TTLL9: variants seen among roughly 807,000 people sequenced by gnomAD.
TTLL9 encodes the protein probable tubulin polyglutamylase TTLL9.
TTLL9 carries 47 observed loss-of-function variants against 65.6 expected under a neutral mutation model. The ratio of observed to expected loss-of-function variants is 0.72; its 90% CI spans 0.57 to 0.91. The LOEUF is 0.91. Ranked by LOEUF, TTLL9 falls within the 40% of genes least tolerant of loss-of-function variation. The pLI is 0.00. For missense variants in TTLL9, 537 were observed against 568.8 expected (o/e 0.94, Z 0.57); for synonymous variants, 179 against 204.8 (o/e 0.87, Z 1.07).
chr20:31,891,985 T>C (rs2063313984), intron 3 of TTLL9, among the ~76,000 whole-genome samples: 1 of 151,724 alleles, frequency 6.6e-6, no homozygotes, highest in Non-Finnish European at 1.5e-5. Context: ...GTATTTTTAG[T>C]ACAGATGGGG....
intron 8 of TTLL9, among the ~76,000 whole-genome samples, 158 bp downstream of exon 8, chr20:31,923,211 A>G (rs1466791810): frequency 6.6e-6 from 1 of 152,166 alleles, no homozygotes. Context: ...CCTCCTAGCC[A>G]TTGCCTGTAC....
At chr20:31,939,351 G>T (rs1285440954) in intron 14 of TTLL9, 85 bp downstream of exon 14, 2 of 1,500,708 alleles carry the variant, frequency 1.3e-6, no homozygotes, top group East Asian at 2.4e-5. Context: ...TGGGATAGTG[G>T]TTAGATTGTT....
At position 31,943,839 on chromosome 20, in the gene TTLL9, G is replaced by C; in HGVS notation, c.*818G>C. On this transcript the variant is annotated 3_prime_UTR_variant, in exon 15 of 15. Coordinates refer to ENST00000535842, the MANE Select transcript of TTLL9 (RefSeq NM_001008409.5). Reference sequence around the variant, plus strand: ...GCTCATGGGCAGGACAGCTTCGGGAGTTGAGTGTGAGTAAAAATCTGCCTT... The same window carrying C: ...GCTCATGGGCAGGACAGCTTCGGGACTTGAGTGTGAGTAAAAATCTGCCTT... 1.1e-5 allele frequency: 5 copies of C among 456,640 alleles called. 1 individual carries two copies. The highest frequency in any genetic ancestry group is 4.6e-5 in the South Asian group (3 of 64,552). 28.3% of individuals were successfully genotyped at this position (456,640 alleles called of 1,614,324 possible).
At chr20:31,899,081 T>A (rs1600553803) in intron 4 of TTLL9, among the ~76,000 whole-genome samples, 1 of 152,262 alleles carries the variant, frequency 6.6e-6, no homozygotes, top group Non-Finnish European at 1.5e-5. Flanking sequence ...CTATTAGTTA[T>A]GGCTAAGGTT....
At chr20:31,887,044 T>A (rs2063200007) in intron 2 of TTLL9, 152 bp from the exon 3 acceptor site, 3 of 710,332 alleles carry the variant, frequency 4.2e-6, no homozygotes, top group Admixed American at 2.6e-5. Flanking sequence ...TGGTGGCCAG[T>A]GGGAACTTGA....
In TTLL9 at chr20:31,909,765, A is replaced by T; in HGVS notation, c.347A>T (p.Asn116Ile). The T allele has an allele frequency of 6.2e-7, 1 of 1,614,088 alleles. No individual in the cohort carries two copies. Among genetic ancestry groups the T allele is most frequent in the Non-Finnish European group, 8.5e-7 (1 of 1,180,008 alleles). Residue 116 changes from asparagine to isoleucine, a missense_variant, in exon 6 of 15, where the codon AAC becomes ATC. Transcript: ENST00000535842. ...ELTRKNYMVK[N>I]LKRFRKQLER... ...ACCCGGAAGAACTACATGGTGAAGA[A>T]CCTGAAGCGGTTCCGGAAGCAGCTG... is the stretch of plus-strand genomic sequence containing the variant.
chr20:31,893,379 C>T (rs1215149748), intron 3 of TTLL9, among the ~76,000 whole-genome samples: 17 of 150,998 alleles, frequency 1.1e-4, no homozygotes, highest in African/African-American at 4.1e-4. Context: ...CAACCTCCAC[C>T]TCCCAGGTTC....
intron 2 of TTLL9, among the ~76,000 whole-genome samples, chr20:31,886,084 C>T (rs925509640): frequency 5.3e-5 from 8 of 152,210 alleles, no homozygotes; most frequent in East Asian, 1.9e-4. Context: ...GGACCCCACA[C>T]GCCAGATGAG....
chr20:31,925,802 G>A (rs2063892613), intron 9 of TTLL9: 1 of 1,390,112 alleles, frequency 7.2e-7, no homozygotes. Context: ...AGGTGCAAGA[G>A]CTAGGCGGTG....
intron 6 of TTLL9, among the ~76,000 whole-genome samples, chr20:31,911,779 C>T (rs1295806680): frequency 1.3e-5 from 2 of 151,804 alleles, no homozygotes; most frequent in Admixed American, 6.6e-5. Context: ...GCAGACACAA[C>T]GGCAGCTACA....
At position 31,943,595 on chromosome 20, in the gene TTLL9, T is replaced by C; in HGVS notation, c.*574T>C. On this transcript the variant is annotated 3_prime_UTR_variant, in exon 15 of 15. Transcript: ENST00000535842. ...GAGCCCTAAACACATCCTCTTCTCCTTGCATGTCAGGGGAGCCCATGGGGC... is the reference window on the plus strand; with the variant it reads ...GAGCCCTAAACACATCCTCTTCTCCCTGCATGTCAGGGGAGCCCATGGGGC... The C allele has an allele frequency of 2.7e-6, 1 of 374,800 alleles. No individual in the cohort carries two copies. The highest frequency in any genetic ancestry group is 2.0e-5 in the South Asian group (1 of 50,616). The allele number at this position is 374,800 out of a possible 1,614,324, so 23.2% of individuals were successfully genotyped here. A position where few individuals can be genotyped will look rare whatever the true frequency, so the allele number is the denominator to read the frequency against.
chr20:31,908,526 C>A, intron 4 of TTLL9, 65 bp from the exon 5 acceptor site: 1 of 1,168,834 alleles, frequency 8.6e-7, no homozygotes, highest in Non-Finnish European at 1.3e-6. Flanking sequence ...CAGCACCTCC[C>A]TGGGCCCTGC....
chr20:31,924,965 G>T, intron 8 of TTLL9, 44 bp from the exon 9 acceptor site: 1 of 1,609,808 alleles, frequency 6.2e-7, no homozygotes, highest in South Asian at 1.1e-5. Flanking sequence ...AATGTCTGAC[G>T]ATCAATATTT....
chr20:31,890,183 T>TTCTTTCTTTCTTTCTTTCTTTCTG (rs2063284800), intron 3 of TTLL9, among the ~76,000 whole-genome samples: 1 of 138,782 alleles, frequency 7.2e-6, no homozygotes, highest in East Asian at 2.0e-4. Context: ...CTTTCTTTCT[T>TTCTTTCTTTCTTTCTTTCTTTCTG]TCTTTCTTTC....
intron 2 of TTLL9, among the ~76,000 whole-genome samples, chr20:31,876,205 G>T (rs2123366247): frequency 6.6e-6 from 1 of 152,290 alleles, no homozygotes; most frequent in Admixed American, 6.5e-5. Context: ...CCAGCACTTT[G>T]GGAGGCTGAG....
rs201962845 is a variant in TTLL9, at chr20:31,925,026, C to T, written c.682C>T (p.Arg228Cys). 9.1e-5 allele frequency: 147 copies of T among 1,613,878 alleles called. No homozygotes were observed. The highest frequency in any genetic ancestry group is 6.7e-5 in the East Asian group (3 of 44,882). Residue 228 changes from arginine to cysteine, a missense_variant, in exon 9 of 15, where the codon CGT becomes TGT. Arg to Cys is a radical substitution (Grantham distance 180, BLOSUM62 -3). Around this residue, in one of 3 missense-constraint regions of TTLL9, gnomAD observed 320 missense variants for 311.0 expected, o/e 1.03. Coordinates refer to ENST00000535842, the MANE Select transcript of TTLL9 (RefSeq NM_001008409.5). ...CCTGACAGGCCGCAAGTTTGACCTGCGTGTCTATGTGCTGGTGATGTCGGT... is the reference window on the plus strand; with the variant it reads ...CCTGACAGGCCGCAAGTTTGACCTGTGTGTCTATGTGCTGGTGATGTCGGT... ...YLIGGRKFDL[R>C]VYVLVMSVFA...
At chr20:31,938,851 T>A (rs1216428707) in intron 13 of TTLL9, among the ~76,000 whole-genome samples, 1 of 152,070 alleles carries the variant, frequency 6.6e-6, no homozygotes, top group East Asian at 1.9e-4. Flanking sequence ...CACTCCAGCC[T>A]GGGTGACAGA....
intron 2 of TTLL9, among the ~76,000 whole-genome samples, chr20:31,873,816 G>GAAA (rs1568723092): frequency 2.3e-4 from 16 of 70,252 alleles, no homozygotes; most frequent in African/African-American, 5.8e-4. Flanking sequence ...AAGGAAGGAA[G>GAAA]GAAGGAAGAA....
At chr20:31,875,769 GTGT>G (rs2123364634) in intron 2 of TTLL9, among the ~76,000 whole-genome samples, 1 of 152,202 alleles carries the variant, frequency 6.6e-6, no homozygotes, top group African/African-American at 2.4e-5. Context: ...TGCTTCCATT[GTGT>G]TGTTTAAATA....
Sources: gnomAD v4.1 joint callset for allele counts (sites outside exome capture counted in the v4.1 genomes callset) on GRCh38, gnomAD v4.1.1 for gene constraint, gnomAD v4.1.1 regional missense constraint, MANE v1.5 for transcripts, NCBI Gene and HGNC (gene_info 2026-07-23, HGNC 2026-07-21) for gene names.